ZDHHC17: variants seen among roughly 807,000 people sequenced by gnomAD.
ZDHHC17 encodes zDHHC palmitoyltransferase 17, also known as palmitoyltransferase ZDHHC17.
A neutral mutation model predicts 90.3 loss-of-function variants in ZDHHC17; 40 were observed. The observed-to-expected ratio is 0.44, with a 90% CI of 0.34 to 0.58. The LOEUF (loss-of-function observed/expected upper bound fraction) is 0.58. Ranked by LOEUF, ZDHHC17 falls within the 20% of genes least tolerant of loss-of-function variation. The pLI is 0.01. For missense variants in ZDHHC17, 614 were observed against 780.8 expected (o/e 0.79, Z 2.55); for synonymous variants, 235 against 252.4 (o/e 0.93, Z 0.65).
intron 1 of ZDHHC17, among the ~76,000 whole-genome samples, chr12:76,785,769 G>GT (rs980560833): frequency 6.6e-6 from 1 of 152,176 alleles, no homozygotes; most frequent in Non-Finnish European, 1.5e-5. Flanking sequence ...AGATACTGAG[G>GT]TTTTTAAAAG....
At position 76,764,128 on chromosome 12, in the gene ZDHHC17, G is replaced by T; in HGVS notation, c.-109G>T. 2.4e-6 allele frequency: 2 copies of T among 826,438 alleles called. No homozygotes were observed. Among genetic ancestry groups the T allele is most frequent in the South Asian group, 3.6e-5 (2 of 56,040 alleles). 51.2% of individuals were successfully genotyped at this position (826,438 alleles called of 1,614,324 possible). A position where few individuals can be genotyped will look rare whatever the true frequency, so the allele number is the denominator to read the frequency against. ...GACAGAGGGGGCGTCACGGGGGCAG[G>T]AGAAGAAGGAGGAGGAGGCCCGCGT... On this transcript the variant is annotated 5_prime_UTR_variant, in exon 1 of 17. Coordinates refer to ENST00000426126, the MANE Select transcript of ZDHHC17 (RefSeq NM_015336.4).
At chr12:76,791,036 A>G (rs1952753385) in intron 1 of ZDHHC17, among the ~76,000 whole-genome samples, 1 of 152,234 alleles carries the variant, frequency 6.6e-6, no homozygotes. Context: ...TGGTCATTGT[A>G]CATTGTATAC....
intron 15 of ZDHHC17, 81 bp from the exon 16 acceptor site, chr12:76,849,295 G>A: frequency 1.4e-6 from 1 of 720,728 alleles, no homozygotes; most frequent in South Asian, 2.2e-5. Context: ...TTGCATTTTA[G>A]CCTGGGTGAC....
chr12:76,833,978 C>T (rs552235952), intron 10 of ZDHHC17, among the ~76,000 whole-genome samples: 5 of 152,142 alleles, frequency 3.3e-5, no homozygotes, highest in South Asian at 4.2e-4. Flanking sequence ...AGTTACGCTA[C>T]CTATGGAATG....
chr12:76,791,602 G>T (rs117209292), intron 1 of ZDHHC17, among the ~76,000 whole-genome samples: 1,682 of 152,200 alleles, frequency 0.011, 11 homozygotes, highest in Non-Finnish European at 0.017. Context: ...AATTTGAAGG[G>T]CAAGTCCCTT....
chr12:76,795,287 T>C (rs918209397), intron 1 of ZDHHC17, among the ~76,000 whole-genome samples: 1 of 150,212 alleles, frequency 6.7e-6, no homozygotes, highest in Non-Finnish European at 1.5e-5. Flanking sequence ...TAAAACGTTG[T>C]TGTTTTTGTT....
chr12:76,779,231 A>G (rs1183830457), intron 1 of ZDHHC17, among the ~76,000 whole-genome samples: 2 of 152,074 alleles, frequency 1.3e-5, no homozygotes, highest in Non-Finnish European at 2.9e-5. Context: ...CTTTGTTGTG[A>G]TTTGCAGTTA....
chr12:76,777,540 G>A (rs1214027870), intron 1 of ZDHHC17, among the ~76,000 whole-genome samples: 1 of 152,080 alleles, frequency 6.6e-6, no homozygotes, highest in Admixed American at 6.6e-5. Flanking sequence ...GATTCTTCTG[G>A]GAGTGCAATC....
chr12:76,803,531 CTGA>C (rs200039229), intron 2 of ZDHHC17, among the ~76,000 whole-genome samples: 1,682 of 152,264 alleles, frequency 0.011, 10 homozygotes, highest in Non-Finnish European at 0.017. Context: ...ATACCCTGGG[CTGA>C]TGATGTCTGG....
rs578193387 is a variant in ZDHHC17 at position 76,809,182 on chromosome 12, T to G, written c.398+62T>G. The G allele has an allele frequency of 1.9e-5, 22 of 1,183,326 alleles. No individual in the cohort carries two copies. The East Asian group carries it at 6.6e-4, about 35-fold the overall frequency. 73.3% of individuals were successfully genotyped at this position (1,183,326 alleles called of 1,614,324 possible). A position where few individuals can be genotyped will look rare whatever the true frequency, so the allele number is the denominator to read the frequency against. ...CTTTATTAGTATATAAATAAACAAC[T>G]TTAAAAAAATGATATACTAAAATGA... On this transcript the variant is annotated intron_variant, in intron 4 of 16. Transcript: ENST00000426126.
rs545836552 is a variant in ZDHHC17 at position 76,773,538 on chromosome 12, A to G, written c.93+9209A>G. ...CATTTACTTTTCACAGTAGTTCTGC[A>G]AAGTGTATATGTTGAGCTGTTTACA... is the stretch of plus-strand genomic sequence containing the variant. On this transcript the variant is annotated intron_variant, in intron 1 of 16. Transcript: ENST00000426126. Among the ~76,000 whole-genome samples the G allele has an allele frequency of 2.0e-5, 3 of 152,316 alleles. No homozygotes were observed. The South Asian group carries it at 6.2e-4, about 32-fold the overall frequency.
intron 12 of ZDHHC17, 107 bp downstream of exon 12, chr12:76,843,088 C>T (rs1242574000): frequency 1.0e-5 from 8 of 772,172 alleles, no homozygotes; most frequent in Admixed American, 3.1e-5. Flanking sequence ...TCAATGAACA[C>T]ATTCCCTGCT....
At chr12:76,778,393 T>G (rs1041424952) in intron 1 of ZDHHC17, among the ~76,000 whole-genome samples, 1 of 152,096 alleles carries the variant, frequency 6.6e-6, no homozygotes, top group Non-Finnish European at 1.5e-5. Context: ...CGAATTTTTT[T>G]AGTTTTTAGT....
chr12:76,768,778 A>C (rs1952459549), intron 1 of ZDHHC17, among the ~76,000 whole-genome samples: 1 of 152,190 alleles, frequency 6.6e-6, no homozygotes, highest in Non-Finnish European at 1.5e-5. Flanking sequence ...CTTCTGCCAC[A>C]GTATCACAGG....
chr12:76,791,467 AAGG>A (rs1952758508), intron 1 of ZDHHC17, among the ~76,000 whole-genome samples: 2 of 152,178 alleles, frequency 1.3e-5, no homozygotes, highest in African/African-American at 2.4e-5. Context: ...TTTTTTTTAA[AAGG>A]AGCTTTATAC....
At chr12:76,803,458 T>A (rs2137754148) in intron 2 of ZDHHC17, among the ~76,000 whole-genome samples, 1 of 152,240 alleles carries the variant, frequency 6.6e-6, no homozygotes, top group South Asian at 2.1e-4. Context: ...GGGAGAATTC[T>A]CGACTTATAC....
chr12:76,805,492 A>G, intron 3 of ZDHHC17, 53 bp downstream of exon 3: 1 of 1,335,106 alleles, frequency 7.5e-7, no homozygotes, highest in Non-Finnish European at 1.0e-6. Context: ...TATGGTTATA[A>G]AATTAATAGA....
intron 1 of ZDHHC17, among the ~76,000 whole-genome samples, chr12:76,774,981 A>G (rs1257933611): frequency 6.6e-6 from 1 of 152,110 alleles, no homozygotes; most frequent in Non-Finnish European, 1.5e-5. Flanking sequence ...GCACACCACC[A>G]TGCCTGATTA....
intron 1 of ZDHHC17, among the ~76,000 whole-genome samples, chr12:76,788,765 C>G (rs1441123612): frequency 7.9e-6 from 1 of 127,022 alleles, no homozygotes; most frequent in Non-Finnish European, 1.6e-5. Context: ...GGCATGATCT[C>G]TGTTCACTGC....
Sources: gnomAD v4.1 joint callset for allele counts (sites outside exome capture counted in the v4.1 genomes callset) on GRCh38, gnomAD v4.1.1 for gene constraint, MANE v1.5 for transcripts, NCBI Gene and HGNC (gene_info 2026-07-23, HGNC 2026-07-21) for gene names.